Variants in TAS2R30 observed in about 807,000 individuals in gnomAD.
The protein encoded by TAS2R30 is taste 2 receptor member 30.
For missense variants in TAS2R30, 395 were observed against 371.6 expected, an observed-to-expected ratio of 1.06 and a Z score of -0.52; for synonymous variants, 141 against 131.6, an observed-to-expected ratio of 1.07 and a Z score of -0.49.
chr12:11,134,372 T>C (rs1465454399), exon 1 of TAS2R30: 1 of 1,152,208 alleles, frequency 8.7e-7, no homozygotes, highest in Non-Finnish European at 1.2e-6. Flanking sequence ...TCTTTTTACT[T>C]TTAATTGCTG....
chr12:11,134,070 G>A (rs770829396), exon 1 of TAS2R30: 8 of 1,614,102 alleles, frequency 5.0e-6, no homozygotes, highest in Non-Finnish European at 6.8e-6. Context: ...AACACCCAGA[G>A]CAAACCAACT....
exon 1 of TAS2R30, chr12:11,133,369 T>C (rs1211715042): frequency 2.5e-6 from 4 of 1,613,692 alleles, no homozygotes; most frequent in African/African-American, 1.3e-5. Context: ...GCCGCAAAAC[T>C]GAAAGAAAAA....
chr12:11,134,091 C>T (rs764262116), exon 1 of TAS2R30: 2 of 1,613,986 alleles, frequency 1.2e-6, no homozygotes, highest in Non-Finnish European at 1.7e-6. Context: ...CTGGAGACCG[C>T]CAGAGCAGTG....
exon 1 of TAS2R30, chr12:11,133,404 A>C: frequency 6.2e-7 from 1 of 1,613,972 alleles, no homozygotes; most frequent in Non-Finnish European, 8.5e-7. Context: ...TTGTTTCCCA[A>C]AATCAGGATG....
At chr12:11,133,824 C>A in exon 1 of TAS2R30, 1 of 1,614,048 alleles carries the variant, frequency 6.2e-7, no homozygotes, top group Non-Finnish European at 8.5e-7. Flanking sequence ...AGATGACAAA[C>A]CAAAAATAGC....
Position 11,134,470 on chromosome 12 carries a change from A to C in TAS2R30, c.-226T>G, listed in dbSNP as rs1322760240. 5 of 546,928 alleles carry C rather than the reference A, an allele frequency of 9.1e-6. No individual in the cohort carries two copies. In the Admixed American group the frequency reaches 1.8e-4, roughly 20 times the overall value. 33.9% of individuals were successfully genotyped at this position (546,928 alleles called of 1,614,324 possible). A position where few individuals can be genotyped will look rare whatever the true frequency, so the allele number is the denominator to read the frequency against. ...TGGAAAACATTCTTATTTTCAAAAC[A>C]ATTCAAATTAACTGACTCATTCACC... On this transcript the variant is annotated 5_prime_UTR_variant, in exon 1 of 1. It adds an upstream start codon to the 5' untranslated region. Coordinates refer to ENST00000539585, the Ensembl canonical transcript of TAS2R30.
exon 1 of TAS2R30, chr12:11,133,358 T>C (rs1314704012): frequency 2.5e-6 from 4 of 1,613,822 alleles, no homozygotes; most frequent in South Asian, 1.1e-5. Flanking sequence ...GTACCTCACA[T>C]GCCGCAAAAC....
chr12:11,133,419 G>T (rs1297057935), exon 1 of TAS2R30: 7 of 1,613,932 alleles, frequency 4.3e-6, no homozygotes, highest in Non-Finnish European at 5.9e-6. Flanking sequence ...AGGATGAATG[G>T]GTGGGTTGAA....
At chr12:11,134,622 C>T in exon 1 of TAS2R30, 1 of 201,238 alleles carries the variant, frequency 5.0e-6, no homozygotes, top group South Asian at 1.0e-4. Flanking sequence ...TGTGTAACCT[C>T]TCCATCATTT....
At chr12:11,133,687 T>A (rs778734542) in exon 1 of TAS2R30, 1 of 1,614,182 alleles carries the variant, frequency 6.2e-7, no homozygotes. Context: ...GAGTGAGGGG[T>A]ACAAAGTTTG....
exon 1 of TAS2R30, chr12:11,133,452 G>C (rs759366541): frequency 2.5e-6 from 4 of 1,614,006 alleles, no homozygotes; most frequent in Non-Finnish European, 2.5e-6. Flanking sequence ...ATAATAGCTT[G>C]GCAGAACATG....
exon 1 of TAS2R30, chr12:11,134,089 C>G: frequency 6.2e-7 from 1 of 1,614,062 alleles, no homozygotes; most frequent in Non-Finnish European, 8.5e-7. Flanking sequence ...CTCTGGAGAC[C>G]GCCAGAGCAG....
exon 1 of TAS2R30, chr12:11,134,205 C>G (rs1350247315): frequency 1.2e-6 from 2 of 1,613,320 alleles, no homozygotes; most frequent in Admixed American, 3.3e-5. Context: ...AATATAACCA[C>G]TATTAGAATG....
chr12:11,133,173 T>A, exon 1 of TAS2R30: 1 of 1,319,758 alleles, frequency 7.6e-7, no homozygotes, highest in South Asian at 1.7e-5. Flanking sequence ...CTAGACTAAC[T>A]TTAGGTAAAA....
chr12:11,134,491 T>G lies in TAS2R30; in HGVS notation c.-247A>C, dbSNP rs368074000. 6.4e-4 allele frequency: 314 copies of G among 493,590 alleles called. 4 individuals carry two copies. The South Asian group carries it at 7.5e-3, about 12-fold the overall frequency. The allele number at this position is 493,590 out of a possible 1,614,324, so 30.6% of individuals were successfully genotyped here. On this transcript the variant is annotated 5_prime_UTR_variant, in exon 1 of 1. Transcript: ENST00000539585. ...AAACAATTCAAATTAACTGACTCATTCACCATCTGTTCTTGTTATAGGCTG... is the reference window on the plus strand; with the variant it reads ...AAACAATTCAAATTAACTGACTCATGCACCATCTGTTCTTGTTATAGGCTG...
chr12:11,134,540 A>G lies in TAS2R30; in HGVS notation c.-296T>C, dbSNP rs1043511718. 1 of 338,140 alleles carries G rather than the reference A, an allele frequency of 3.0e-6. No individual in the cohort carries two copies. The highest frequency in any genetic ancestry group is 2.1e-5 in the African/African-American group (1 of 46,944). The allele number at this position is 338,140 out of a possible 1,614,324, so 20.9% of individuals were successfully genotyped here. The stretch of plus-strand genomic sequence containing the variant: ...TGGAATTATTCATACTGAAATTGAC[A>G]TGAAACCTGAATTCTCATTTGCTAG... On this transcript the variant is annotated 5_prime_UTR_variant, in exon 1 of 1. The change abolishes an upstream ATG in the 5' untranslated region. Coordinates refer to ENST00000539585, the Ensembl canonical transcript of TAS2R30.
exon 1 of TAS2R30, chr12:11,133,809 C>T: frequency 1.2e-6 from 2 of 1,614,120 alleles, no homozygotes; most frequent in Non-Finnish European, 1.7e-6. Context: ...ATGTTTATCA[C>T]AAAAAGATGA....
rs10645657 is a variant in TAS2R30, at chr12:11,133,120, T to TACACAC, written c.*159_*164dup. On this transcript the variant is annotated 3_prime_UTR_variant, in exon 1 of 1. Transcript: ENST00000539585. The stretch of plus-strand genomic sequence containing the variant: ...ATTGTCAATGTTCTTCAGTTTTTCA[T>TACACAC]ACACACACACACACACACACACATC... The TACACAC allele has an allele frequency of 4.3e-3, 2,128 of 496,848 alleles. 6 individuals are homozygous for TACACAC. The highest frequency in any genetic ancestry group is 3.1e-3 in the Non-Finnish European group (991 of 319,144). 30.8% of individuals were successfully genotyped at this position (496,848 alleles called of 1,614,324 possible).
At chr12:11,134,314 C>G in exon 1 of TAS2R30, 1 of 1,358,682 alleles carries the variant, frequency 7.4e-7, no homozygotes, top group East Asian at 2.5e-5. Context: ...CTTGAATATC[C>G]TGACCTTAAA....
Sources: allele counts gnomAD v4.1 joint callset, GRCh38; gene constraint gnomAD v4.1.1; transcripts MANE v1.5; gene names NCBI Gene and HGNC (gene_info 2026-07-23, HGNC 2026-07-21).